POLQ: variants seen among roughly 807,000 people sequenced by gnomAD.
POLQ encodes the protein DNA polymerase theta, also known as epididymis secretory sperm binding protein.
In POLQ, 233 loss-of-function variants were observed where a neutral mutation model predicts 259.2. The ratio of observed to expected loss-of-function variants is 0.90; its 90% CI spans 0.81 to 1.00. The LOEUF (loss-of-function observed/expected upper bound fraction) is 1.00. Ranked by LOEUF, POLQ falls within the 50% of genes least tolerant of loss-of-function variation. The pLI, the probability that POLQ is intolerant of heterozygous loss-of-function variation, is 0.00. For synonymous variants in POLQ, 1,025 were observed against 1,048.8 expected (o/e 0.98, Z 0.44); for missense variants, 2,871 against 3,051.6 (o/e 0.94, Z 1.39).
intron 24 of POLQ, among the ~76,000 whole-genome samples, chr3:121,467,018 A>G (rs1223511123): frequency 6.6e-6 from 1 of 152,222 alleles, no homozygotes; most frequent in African/African-American, 2.4e-5. Flanking sequence ...TGACTAGAGT[A>G]TTGAGGAGGG....
chr3:121,479,170 T>C (rs2047951305), intron 19 of POLQ, among the ~76,000 whole-genome samples: 1 of 152,074 alleles, frequency 6.6e-6, no homozygotes, highest in Non-Finnish European at 1.5e-5. Flanking sequence ...TCTAAATAAT[T>C]TGTGAGTGAA....
At chr3:121,461,880 C>CA (rs34869931) in intron 24 of POLQ, among the ~76,000 whole-genome samples, 2 of 150,494 alleles carry the variant, frequency 1.3e-5, no homozygotes, top group African/African-American at 4.9e-5. Context: ...CAAAGCTTCC[C>CA]AATACACATC....
intron 15 of POLQ, among the ~76,000 whole-genome samples, chr3:121,493,237 G>A (rs2048084859): frequency 6.6e-6 from 1 of 151,892 alleles, no homozygotes; most frequent in Non-Finnish European, 1.5e-5. Context: ...AGGAGGTGGA[G>A]GTCGCAGTGA....
chr3:121,538,989 GT>G (rs2048469778), intron 4 of POLQ, among the ~76,000 whole-genome samples: 1 of 152,126 alleles, frequency 6.6e-6, no homozygotes, highest in African/African-American at 2.4e-5. Flanking sequence ...CTCAAATAGA[GT>G]GTCAGTTTCT....
intron 15 of POLQ, among the ~76,000 whole-genome samples, chr3:121,492,488 G>A (rs559017988): frequency 5.3e-5 from 8 of 151,792 alleles, no homozygotes; most frequent in Non-Finnish European, 1.2e-4. Context: ...CATTTCAGAG[G>A]AATGTATTTT....
At chr3:121,463,766 CTTT>C (rs534898552) in intron 24 of POLQ, among the ~76,000 whole-genome samples, 1 of 151,814 alleles carries the variant, frequency 6.6e-6, no homozygotes, top group Non-Finnish European at 1.5e-5. Flanking sequence ...TTAAAAACTT[CTTT>C]TTTTTAGATT....
chr3:121,529,030 T>C (rs1446161344), intron 7 of POLQ, among the ~76,000 whole-genome samples: 1 of 152,234 alleles, frequency 6.6e-6, no homozygotes, highest in African/African-American at 2.4e-5. Context: ...TATCTACATA[T>C]GTTTTAGGCT....
In POLQ at chr3:121,493,028, A is replaced by G. The variant is rs1295320309; in HGVS notation, c.2522+450T>C. 2.0e-5 allele frequency among the ~76,000 whole-genome samples: 3 copies of G among 152,234 alleles called. No homozygotes were observed. The East Asian group carries it at 5.8e-4, about 29-fold the overall frequency. The stretch of plus-strand genomic sequence containing the variant: ...AATAAAAAGTAATCTGCAGCCGGGC[A>G]CTTTGGCTCACGCCTATAATCCCAG... On this transcript the variant is annotated intron_variant, in intron 15 of 29. Transcript: ENST00000264233.
intron 19 of POLQ, 133 bp from the exon 20 acceptor site, chr3:121,476,866 C>G: frequency 1.6e-6 from 1 of 638,080 alleles, no homozygotes; most frequent in Non-Finnish European, 2.7e-6. Flanking sequence ...GAGCCAGTCT[C>G]CCGAGCAGCA....
rs1159129070 is a variant in POLQ at position 121,461,770 on chromosome 3, A to T, written c.6968-1536T>A. On this transcript the variant is annotated intron_variant, in intron 24 of 29. Coordinates refer to ENST00000264233, the MANE Select transcript of POLQ (RefSeq NM_199420.4). ...AAAGATTATATACCCATATTTGCTT[A>T]TATCTGCATAAAGAAATACTGTCAA... is the stretch of plus-strand genomic sequence containing the variant. Among the ~76,000 whole-genome samples, 3 of 152,188 alleles carry T rather than the reference A, an allele frequency of 2.0e-5. No individual in the cohort carries two copies. In the East Asian group the frequency reaches 5.8e-4, roughly 29 times the overall value.
chr3:121,464,154 C>T (rs1395244340), intron 24 of POLQ, among the ~76,000 whole-genome samples: 1 of 152,024 alleles, frequency 6.6e-6, no homozygotes, highest in South Asian at 2.1e-4. Flanking sequence ...TTTGAGGCTC[C>T]AAGAAAGCGA....
At chr3:121,471,184 A>G (rs1336323874) in intron 22 of POLQ, among the ~76,000 whole-genome samples, 1 of 152,130 alleles carries the variant, frequency 6.6e-6, no homozygotes, top group East Asian at 1.9e-4. Flanking sequence ...TCTTCATAAG[A>G]TTACACTCTT....
At chr3:121,435,733 A>T (rs1356755138) in intron 28 of POLQ, among the ~76,000 whole-genome samples, 1 of 152,244 alleles carries the variant, frequency 6.6e-6, no homozygotes, top group Non-Finnish European at 1.5e-5. Flanking sequence ...AGATACAAAC[A>T]GCCAGCTGTG....
intron 25 of POLQ, among the ~76,000 whole-genome samples, chr3:121,457,538 GA>G (rs1420900029): frequency 1.5e-4 from 23 of 151,896 alleles, no homozygotes; most frequent in African/African-American, 5.1e-4. Flanking sequence ...AAACTTACAA[GA>G]AAAAAACAAA....
rs567558491 is a variant in POLQ, at chr3:121,504,915, G to C, written c.1959+4646C>G. On this transcript the variant is annotated intron_variant, in intron 12 of 29. Coordinates refer to ENST00000264233, the MANE Select transcript of POLQ (RefSeq NM_199420.4). ...GTTGGGAAGGGATGATTGTATTTTG[G>C]AATGTGAGAAGGTCATGAGATTTAG... is the stretch of plus-strand genomic sequence containing the variant. Among the ~76,000 whole-genome samples the C allele has an allele frequency of 3.9e-5, 6 of 152,194 alleles. No homozygotes were observed. In the South Asian group the frequency reaches 1.2e-3, roughly 32 times the overall value.
intron 7 of POLQ, among the ~76,000 whole-genome samples, chr3:121,524,685 G>A (rs1255805157): frequency 6.6e-6 from 1 of 152,020 alleles, no homozygotes; most frequent in East Asian, 1.9e-4. Context: ...GTAATCTAAA[G>A]TGACAGCAAG....
rs1442257387 is a variant in POLQ at position 121,455,066 on chromosome 3, G to C, written c.7152+4984C>G. 7.2e-5 allele frequency among the ~76,000 whole-genome samples: 11 copies of C among 151,922 alleles called. No individual in the cohort carries two copies. In the East Asian group the frequency reaches 7.7e-4, roughly 11 times the overall value. ...CACAGTGCAATCAAACTAGAACTCAGGATTAAGAAACTCACTCAAAACCAC... is the reference window on the plus strand; with the variant it reads ...CACAGTGCAATCAAACTAGAACTCACGATTAAGAAACTCACTCAAAACCAC... On this transcript the variant is annotated intron_variant, in intron 25 of 29. Coordinates refer to ENST00000264233, the MANE Select transcript of POLQ (RefSeq NM_199420.4).
intron 24 of POLQ, among the ~76,000 whole-genome samples, chr3:121,466,226 T>C (rs2047834342): frequency 1.3e-5 from 2 of 151,528 alleles, no homozygotes; most frequent in African/African-American, 4.9e-5. Flanking sequence ...GTATGTCAAT[T>C]GCATTTTCCT....
At chr3:121,542,195 A>G (rs1186239415) in intron 2 of POLQ, among the ~76,000 whole-genome samples, 2 of 152,106 alleles carry the variant, frequency 1.3e-5, no homozygotes, top group African/African-American at 4.8e-5. Context: ...TCTTATGGAA[A>G]TGAAACAGAA....
Sources: gnomAD v4.1 joint callset for allele counts (sites outside exome capture counted in the v4.1 genomes callset) on GRCh38, gnomAD v4.1.1 for gene constraint, MANE v1.5 for transcripts, NCBI Gene and HGNC (gene_info 2026-07-23, HGNC 2026-07-21) for gene names.